The following PDE1C variants were observed in gnomAD, a reference collection of about 807,000 sequenced individuals.
PDE1C encodes dual specificity calcium/calmodulin-dependent 3',5'-cyclic nucleotide phosphodiesterase 1C.
In PDE1C, 62 loss-of-function variants were observed where a neutral mutation model predicts 93.1. The ratio of observed to expected loss-of-function variants is 0.67; its 90% CI spans 0.54 to 0.82. PDE1C has a LOEUF of 0.82. Among genes scored for constraint, PDE1C ranks in the 40% least tolerant of loss-of-function variants. The pLI is 0.00. For missense variants in PDE1C, 742 were observed against 884.6 expected (o/e 0.84, Z 2.04); for synonymous variants, 325 against 310.1 (o/e 1.05, Z -0.50).
intron 2 of PDE1C, among the ~76,000 whole-genome samples, chr7:31,916,781 T>A (rs992190932): frequency 6.6e-6 from 1 of 152,178 alleles, no homozygotes; most frequent in African/African-American, 2.4e-5. Context: ...ATGATAAGTG[T>A]GAAGCATAAT....
chr7:32,371,588 A>T (rs537903193), intron 1 of PDE1C, among the ~76,000 whole-genome samples: 1 of 152,362 alleles, frequency 6.6e-6, no homozygotes, highest in East Asian at 1.9e-4. Flanking sequence ...CTGGCCATTG[A>T]GTTAATAAAA....
chr7:32,196,518 GTCT>G (rs966128126), intron 2 of PDE1C, among the ~76,000 whole-genome samples: 1 of 126,364 alleles, frequency 7.9e-6, no homozygotes, highest in African/African-American at 3.0e-5. Flanking sequence ...TAGTCACTCT[GTCT>G]TCTTCTTTTT....
At chr7:31,698,954 C>T in the PDE1C span, among the ~76,000 whole-genome samples, 1 of 152,090 alleles carries the variant, frequency 6.6e-6, no homozygotes, top group African/African-American at 2.4e-5. Flanking sequence ...TTTGCTCAGT[C>T]AATATTTATT....
intron 13 of PDE1C, among the ~76,000 whole-genome samples, chr7:31,823,996 G>C (rs1444133042): frequency 6.6e-6 from 1 of 152,142 alleles, no homozygotes; most frequent in East Asian, 1.9e-4. Context: ...TCTGGCAGGG[G>C]GCTCTGTCCT....
At chr7:31,664,458 C>A in the PDE1C span, among the ~76,000 whole-genome samples, 10 of 152,146 alleles carry the variant, frequency 6.6e-5, no homozygotes, top group Non-Finnish European at 1.3e-4. Flanking sequence ...GCTAATTAAT[C>A]ATTTGTCTGT....
chr7:31,743,556 AGT>A, the PDE1C span, among the ~76,000 whole-genome samples: 146 of 147,912 alleles, frequency 9.9e-4, no homozygotes, highest in Middle Eastern at 3.5e-3. Flanking sequence ...TGGAGGATGC[AGT>A]GTGTGTGTGT....
At chr7:32,175,015 C>G (rs929871235) in intron 2 of PDE1C, among the ~76,000 whole-genome samples, 1 of 152,148 alleles carries the variant, frequency 6.6e-6, no homozygotes, top group Non-Finnish European at 1.5e-5. Context: ...TCAGAAGGAT[C>G]ATGAGACCCA....
intron 3 of PDE1C, among the ~76,000 whole-genome samples, chr7:32,145,647 AATT>A (rs1027176611): frequency 2.0e-5 from 3 of 152,124 alleles, no homozygotes; most frequent in South Asian, 2.1e-4. Flanking sequence ...ATTATTACAA[AATT>A]ATTATTATTA....
At chr7:31,657,044 C>G in the PDE1C span, among the ~76,000 whole-genome samples, 1 of 102,278 alleles carries the variant, frequency 9.8e-6, no homozygotes, top group Non-Finnish European at 2.0e-5. Context: ...TGTGTATACA[C>G]ACACACACAC....
At chr7:32,267,867 C>A (rs1810718738) in intron 1 of PDE1C, among the ~76,000 whole-genome samples, 1 of 152,154 alleles carries the variant, frequency 6.6e-6, no homozygotes, top group Non-Finnish European at 1.5e-5. Context: ...AGGGATTATT[C>A]TTTATGATAA....
chr7:31,703,135 G>A, the PDE1C span, among the ~76,000 whole-genome samples: 2 of 152,190 alleles, frequency 1.3e-5, no homozygotes, highest in Non-Finnish European at 2.9e-5. Context: ...ATTAAATAAA[G>A]TACATAAACT....
At chr7:32,323,349 T>C (rs1177742493) in intron 1 of PDE1C, among the ~76,000 whole-genome samples, 1 of 151,882 alleles carries the variant, frequency 6.6e-6, no homozygotes, top group East Asian at 1.9e-4. Flanking sequence ...CAACTCAGAG[T>C]TGAGAAGAGA....
At chr7:32,143,521 T>A (rs2392027) in intron 3 of PDE1C, among the ~76,000 whole-genome samples, 3 of 151,632 alleles carry the variant, frequency 2.0e-5, no homozygotes, top group African/African-American at 7.3e-5. Flanking sequence ...GCCATTCCCA[T>A]GTGCTGTGAT....
the PDE1C span, among the ~76,000 whole-genome samples, chr7:31,713,190 G>T: frequency 6.6e-6 from 1 of 152,200 alleles, no homozygotes; most frequent in African/African-American, 2.4e-5. Flanking sequence ...TGGATACAAT[G>T]GGGATACAGG....
intron 2 of PDE1C, among the ~76,000 whole-genome samples, chr7:32,024,657 C>T (rs1329130165): frequency 1.3e-5 from 2 of 152,170 alleles, no homozygotes; most frequent in East Asian, 3.9e-4. Flanking sequence ...TTCATCTAGG[C>T]CCATCTGCCT....
chr7:32,173,317 C>T (rs57359605), intron 2 of PDE1C, among the ~76,000 whole-genome samples: 1 of 151,902 alleles, frequency 6.6e-6, no homozygotes, highest in Non-Finnish European at 1.5e-5. Context: ...ACAGTGAGAA[C>T]ACATGGACAT....
At chr7:31,632,168 G>A in the PDE1C span, among the ~76,000 whole-genome samples, 1 of 152,222 alleles carries the variant, frequency 6.6e-6, no homozygotes, top group Non-Finnish European at 1.5e-5. Flanking sequence ...CTTGACAGAG[G>A]CAGGGCGTGG....
chr7:31,906,212 C>T (rs1231189977), intron 2 of PDE1C, among the ~76,000 whole-genome samples: 1 of 152,168 alleles, frequency 6.6e-6, no homozygotes. Context: ...CAAGTCATGT[C>T]CTCACAAACA....
At chr7:31,719,449 C>T in the PDE1C span, among the ~76,000 whole-genome samples, 1 of 152,132 alleles carries the variant, frequency 6.6e-6, no homozygotes, top group African/African-American at 2.4e-5. Flanking sequence ...GGATTTTTTC[C>T]ACTGTTTTTG....
Sources: gnomAD v4.1 joint callset for allele counts (sites outside exome capture counted in the v4.1 genomes callset) on GRCh38, gnomAD v4.1.1 for gene constraint, MANE v1.5 for transcripts, NCBI Gene and HGNC (gene_info 2026-07-23, HGNC 2026-07-21) for gene names.